CDH4: variants seen among roughly 807,000 people sequenced by gnomAD.
The protein encoded by CDH4 is cadherin 4, also known as cadherin-4.
In CDH4, 33 loss-of-function variants were observed where a neutral mutation model predicts 86.0. The ratio of observed to expected loss-of-function variants is 0.38; its 90% CI spans 0.29 to 0.51. CDH4 has a LOEUF of 0.51. CDH4 is among the 20% of genes least tolerant of loss of function. The pLI is 0.86. For synonymous variants in CDH4, 555 were observed against 549.4 expected, an observed-to-expected ratio of 1.01 and a Z score of -0.14; for missense variants, 1,114 against 1,307.4, an observed-to-expected ratio of 0.85 and a Z score of 2.28.
intron 2 of CDH4, among the ~76,000 whole-genome samples, chr20:61,592,239 G>T (rs935261495): frequency 2.0e-5 from 3 of 152,104 alleles, no homozygotes; most frequent in African/African-American, 7.2e-5. Context: ...AAGAAGTCAA[G>T]ACTTGGTACA....
At chr20:61,347,219 G>A (rs897690459) in intron 2 of CDH4, among the ~76,000 whole-genome samples, 6 of 152,198 alleles carry the variant, frequency 3.9e-5, no homozygotes, top group Admixed American at 1.3e-4. Context: ...GGCCCTGCCC[G>A]CATTCAGAAG....
chr20:61,701,057 T>C (rs1424660198), intron 2 of CDH4, among the ~76,000 whole-genome samples: 1 of 152,176 alleles, frequency 6.6e-6, no homozygotes, highest in Non-Finnish European at 1.5e-5. Flanking sequence ...CAGGGGTGGT[T>C]TGACGAAAGC....
chr20:61,550,965 C>T (rs2086125111), intron 2 of CDH4, among the ~76,000 whole-genome samples: 1 of 152,238 alleles, frequency 6.6e-6, no homozygotes, highest in African/African-American at 2.4e-5. Context: ...GTGAATTCTG[C>T]AGTTGGTCAG....
intron 2 of CDH4, among the ~76,000 whole-genome samples, chr20:61,375,494 T>C (rs1470426911): frequency 2.6e-5 from 4 of 151,848 alleles, no homozygotes; most frequent in Admixed American, 6.6e-5. Context: ...GGCAGTGTGA[T>C]TGTCTTGGTG....
intron 2 of CDH4, among the ~76,000 whole-genome samples, chr20:61,261,712 A>T (rs999490304): frequency 1.1e-4 from 17 of 152,218 alleles, no homozygotes; most frequent in African/African-American, 4.1e-4. Flanking sequence ...TGCAGACAGG[A>T]TCGGACCCAG....
chr20:61,691,649 T>C (rs1379260958), intron 2 of CDH4, among the ~76,000 whole-genome samples: 1 of 152,222 alleles, frequency 6.6e-6, no homozygotes, highest in East Asian at 1.9e-4. Context: ...GGCTTCATGG[T>C]AGAGCCTGTT....
chr20:61,259,220 G>A (rs1470840952), intron 2 of CDH4, among the ~76,000 whole-genome samples: 1 of 152,220 alleles, frequency 6.6e-6, no homozygotes, highest in African/African-American at 2.4e-5. Context: ...GTTGAAGAGA[G>A]ATCAGATGCA....
chr20:61,750,562 A>G (rs968827748), intron 3 of CDH4, among the ~76,000 whole-genome samples: 1 of 152,220 alleles, frequency 6.6e-6, no homozygotes, highest in Non-Finnish European at 1.5e-5. Context: ...ACACAAACCT[A>G]TCCAAAGATT....
chr20:61,756,328 G>A (rs1351207403), intron 3 of CDH4, among the ~76,000 whole-genome samples: 6 of 152,170 alleles, frequency 3.9e-5, no homozygotes, highest in African/African-American at 1.4e-4. Context: ...AATGAGAGGG[G>A]TTGCTGAGCT....
At chr20:61,821,007 G>C (rs1340886768) in intron 4 of CDH4, among the ~76,000 whole-genome samples, 1 of 151,942 alleles carries the variant, frequency 6.6e-6, no homozygotes, top group African/African-American at 2.4e-5. Context: ...GTAGTTCTAG[G>C]ATTTGCGGGG....
Position 61,936,998 on chromosome 20 carries a change from AG to A in CDH4, c.*57del, listed in dbSNP as rs2055200071. Reference sequence around the variant, plus strand: ...AGCCGTGCTCGGACGCCGGAGGAGCAGGACTGAGCAGAGGCGGCCGGTCTTC... The same window carrying A: ...AGCCGTGCTCGGACGCCGGAGGAGCAGACTGAGCAGAGGCGGCCGGTCTTC... On this transcript the variant is annotated 3_prime_UTR_variant, in exon 16 of 16. Coordinates refer to ENST00000614565, the MANE Select transcript of CDH4 (RefSeq NM_001794.5). 1.4e-6 allele frequency: 2 copies of A among 1,467,210 alleles called. No homozygotes were observed. Among genetic ancestry groups the A allele is most frequent in the South Asian group, 2.7e-5 (2 of 73,996 alleles). The allele number at this position is 1,467,210 out of a possible 1,614,324, so 90.9% of individuals were successfully genotyped here.
intron 7 of CDH4, among the ~76,000 whole-genome samples, chr20:61,888,295 C>G (rs1313929321): frequency 1.3e-5 from 2 of 152,204 alleles, no homozygotes; most frequent in African/African-American, 4.8e-5. Flanking sequence ...GCAAGCCTGT[C>G]CACCGCTGCT....
intron 6 of CDH4, among the ~76,000 whole-genome samples, chr20:61,857,113 AC>A (rs757851795): frequency 5.9e-5 from 9 of 152,332 alleles, no homozygotes; most frequent in Non-Finnish European, 1.2e-4. Flanking sequence ...CGTGGGTCTC[AC>A]TGCCCTGCCC....
chr20:61,334,018 C>G (rs2084602218), intron 2 of CDH4, among the ~76,000 whole-genome samples: 2 of 152,200 alleles, frequency 1.3e-5, no homozygotes, highest in Admixed American at 1.3e-4. Flanking sequence ...TAGCCCCTGT[C>G]CATCCTGGGA....
rs1032343240 is a variant in CDH4, at chr20:61,501,588, G to A, written c.170-241975G>A. 2.0e-5 allele frequency among the ~76,000 whole-genome samples: 3 copies of A among 152,132 alleles called. No individual in the cohort carries two copies. The highest frequency in any genetic ancestry group is 4.4e-5 in the Non-Finnish European group (3 of 68,008). ...CTTTGGGCCTGCATCTCTGCGGCCC[G>A]GAGACGCTGACTCCAGTTGCCTAAC... On this transcript the variant is annotated intron_variant, in intron 2 of 15. Transcript: ENST00000614565. This position sits in a 1 kb window ranked among gnomAD's most constrained non-coding sequence, Gnocchi z 4.2.
intron 3 of CDH4, among the ~76,000 whole-genome samples, chr20:61,765,426 G>A (rs372846494): frequency 1.3e-5 from 2 of 152,286 alleles, no homozygotes; most frequent in African/African-American, 4.8e-5. Flanking sequence ...CTGAGGCCAG[G>A]GACTCACCCT....
At chr20:61,325,953 C>A (rs1025118592) in intron 2 of CDH4, among the ~76,000 whole-genome samples, 1 of 152,202 alleles carries the variant, frequency 6.6e-6, no homozygotes, top group African/African-American at 2.4e-5. Context: ...TTCCCAGCTT[C>A]TCGCTCTCCC....
intron 2 of CDH4, among the ~76,000 whole-genome samples, chr20:61,498,931 G>A (rs764360568): frequency 6.6e-6 from 1 of 152,180 alleles, no homozygotes; most frequent in Non-Finnish European, 1.5e-5. Flanking sequence ...CTAGCATTCA[G>A]CCCCAGCTTC....
At chr20:61,346,847 G>A (rs551060561) in intron 2 of CDH4, among the ~76,000 whole-genome samples, 32 of 152,210 alleles carry the variant, frequency 2.1e-4, no homozygotes, top group African/African-American at 6.5e-4. Context: ...GAGAGGCGAC[G>A]GTGAGTGGGC....
Sources: allele counts gnomAD v4.1 joint callset (sites outside exome capture counted in the v4.1 genomes callset), GRCh38; gene constraint gnomAD v4.1.1; non-coding constraint Gnocchi (gnomAD v3.1); transcripts MANE v1.5; gene names NCBI Gene and HGNC (gene_info 2026-07-23, HGNC 2026-07-21).